Variants in CCDC81 observed in about 807,000 individuals in gnomAD.
CCDC81 encodes the protein coiled-coil domain-containing protein 81.
A neutral mutation model predicts 83.7 loss-of-function variants in CCDC81; 79 were observed. The observed-to-expected ratio is 0.94, with a 90% CI of 0.79 to 1.14. CCDC81 has a LOEUF of 1.14. Ranked by LOEUF, CCDC81 falls within the 50% of genes most tolerant of loss-of-function variation. The pLI is 0.00. For synonymous variants in CCDC81, 252 were observed against 278.1 expected (o/e 0.91, Z 0.93); for missense variants, 791 against 778.1 (o/e 1.02, Z -0.20).
At chr11:86,391,009 C>T (rs1233477747) in intron 3 of CCDC81, among the ~76,000 whole-genome samples, 2 of 152,000 alleles carry the variant, frequency 1.3e-5, no homozygotes, top group African/African-American at 4.8e-5. Flanking sequence ...ATAAACAAAC[C>T]TCAGTATCTT....
chr11:86,422,478 C>A, intron 14 of CCDC81, 96 bp from the exon 15 acceptor site: 1 of 1,160,008 alleles, frequency 8.6e-7, no homozygotes, highest in Non-Finnish European at 1.2e-6. Flanking sequence ...CAAGGTGTCA[C>A]TTTTCTTTTG....
chr11:86,386,145 A>T (rs897559858), intron 2 of CCDC81, 33 bp downstream of exon 2: 31 of 824,212 alleles, frequency 3.8e-5, no homozygotes, highest in Non-Finnish European at 5.0e-5. Flanking sequence ...TTTATTAATA[A>T]ATTAATTTAT....
At chr11:86,422,380 T>C (rs1277398317) in intron 14 of CCDC81, among the ~76,000 whole-genome samples, 194 bp from the exon 15 acceptor site, 1 of 152,150 alleles carries the variant, frequency 6.6e-6, no homozygotes, top group East Asian at 1.9e-4. Context: ...GTCGTGGCTT[T>C]TTATTTAGTA....
At chr11:86,409,158 T>C in intron 9 of CCDC81, 103 bp from the exon 10 acceptor site, 1 of 502,878 alleles carries the variant, frequency 2.0e-6, no homozygotes, top group East Asian at 3.5e-5. Context: ...GTTTCTACCA[T>C]GGCTGGATTA....
At chr11:86,417,610 T>A (rs1199897068) in intron 13 of CCDC81, among the ~76,000 whole-genome samples, 1 of 152,190 alleles carries the variant, frequency 6.6e-6, no homozygotes, top group African/African-American at 2.4e-5. Flanking sequence ...GCATTATTGA[T>A]GAACATTCAC....
At position 86,412,579 on chromosome 11, in the gene CCDC81, C is replaced by T. The variant is rs1179744134; in HGVS notation, c.1391+20C>T. The T allele has an allele frequency of 2.5e-6, 4 of 1,569,856 alleles. No homozygotes were observed. The highest frequency in any genetic ancestry group is 1.4e-5 in the African/African-American group (1 of 72,698). Reference sequence around the variant, plus strand: ...AGAGGAGTGAGTCCAGCTACACACGCTCTGACAAATGGATTTGGAATTTTC... The same window carrying T: ...AGAGGAGTGAGTCCAGCTACACACGTTCTGACAAATGGATTTGGAATTTTC... On this transcript the variant is annotated intron_variant, in intron 11 of 14. Coordinates refer to ENST00000445632, the MANE Select transcript of CCDC81 (RefSeq NM_001156474.2).
rs754216292 is a variant in CCDC81 at position 86,419,980 on chromosome 11, T to C, written c.1744T>C (p.Cys582Arg). 2 of 1,613,800 alleles carry C rather than the reference T, an allele frequency of 1.2e-6. No individual in the cohort carries two copies. The highest frequency in any genetic ancestry group is 1.7e-6 in the Non-Finnish European group (2 of 1,179,904). Residue 582 changes from cysteine to arginine, a missense_variant, in exon 14 of 15, where the codon TGC becomes CGC. By Grantham distance (180) the Cys-to-Arg change is radical (BLOSUM62 -3). Transcript: ENST00000445632. ...ELERVNRVNQCLQEDWERSAA... is the reference protein window; with the variant it reads ...ELERVNRVNQRLQEDWERSAA... The stretch of plus-strand genomic sequence containing the variant: ...GGAGCGAGTAAATAGAGTCAACCAA[T>C]GCTTACAGGAGGACTGGGAAAGGAG...
chr11:86,398,966 G>A (rs368971920), intron 6 of CCDC81, among the ~76,000 whole-genome samples: 7 of 152,114 alleles, frequency 4.6e-5, no homozygotes, highest in South Asian at 2.1e-4. Flanking sequence ...GTTGCTTTGC[G>A]GAAATGTGGC....
chr11:86,390,717 T>C (rs1310013403), intron 3 of CCDC81, among the ~76,000 whole-genome samples: 1 of 152,058 alleles, frequency 6.6e-6, no homozygotes, highest in Non-Finnish European at 1.5e-5. Context: ...AAGGAAGGCG[T>C]TTAGTATGAC....
At chr11:86,375,337 C>T (rs1297156319) in intron 1 of CCDC81, 95 bp downstream of exon 1, 2 of 1,094,594 alleles carry the variant, frequency 1.8e-6, no homozygotes, top group Non-Finnish European at 2.7e-6. Flanking sequence ...TTCCCTGGCT[C>T]AGGCCTGGCC....
chr11:86,418,201 A>G (rs1364827610), intron 13 of CCDC81, among the ~76,000 whole-genome samples: 2 of 152,224 alleles, frequency 1.3e-5, no homozygotes, highest in Non-Finnish European at 1.5e-5. Flanking sequence ...GATAGCTACT[A>G]TGAAAAAAAA....
At position 86,387,676 on chromosome 11, in the gene CCDC81, A is replaced by C; in HGVS notation, c.298+4A>C. 6.3e-7 allele frequency: 1 copy of C among 1,584,350 alleles called. No homozygotes were observed. The highest frequency in any genetic ancestry group is 8.6e-7 in the Non-Finnish European group (1 of 1,158,996). ...CAAAACAAAGTATATACTCCTGGTA[A>C]ATAATTCTGATATGTAGGATTTTCC... On this transcript the variant is annotated splice_donor_region_variant and intron_variant, in intron 3 of 14. Coordinates refer to ENST00000445632, the MANE Select transcript of CCDC81 (RefSeq NM_001156474.2).
At chr11:86,415,406 T>C (rs1948705340) in intron 13 of CCDC81, 93 bp downstream of exon 13, 1 of 934,834 alleles carries the variant, frequency 1.1e-6, no homozygotes, top group African/African-American at 1.6e-5. Flanking sequence ...GCCCCTCATC[T>C]TTCTCATACA....
intron 7 of CCDC81, among the ~76,000 whole-genome samples, chr11:86,405,632 C>A (rs895437577): frequency 6.6e-6 from 1 of 152,070 alleles, no homozygotes; most frequent in South Asian, 2.1e-4. Context: ...AAACTGTATC[C>A]CCTTCCAAAC....
In CCDC81 at chr11:86,407,303, G is replaced by A. The variant is rs74469876; in HGVS notation, c.882-311G>A. 6.4e-3 allele frequency among the ~76,000 whole-genome samples: 969 copies of A among 152,274 alleles called. 5 individuals are homozygous for A. Among genetic ancestry groups the A allele is most frequent in the African/African-American group, 0.022 (917 of 41,546 alleles). On this transcript the variant is annotated intron_variant, in intron 7 of 14. Coordinates refer to ENST00000445632, the MANE Select transcript of CCDC81 (RefSeq NM_001156474.2). ...GTGCTTAGAACAGTGTACATGGTAA[G>A]CACTCAATACATTTCTGTGGAATGA...
Position 86,386,088 on chromosome 11 carries a change from G to A in CCDC81, c.117G>A (p.Val39=). 2 of 1,506,776 alleles carry A rather than the reference G, an allele frequency of 1.3e-6. No individual in the cohort carries two copies. The highest frequency in any genetic ancestry group is 1.8e-6 in the Non-Finnish European group (2 of 1,110,732). The allele number at this position is 1,506,776 out of a possible 1,614,324, so 93.3% of individuals were successfully genotyped here. Residue 39 remains valine, a synonymous_variant, in exon 2 of 15, where the codon GTG becomes GTA. Transcript: ENST00000445632. ...TCTGGGGGAATGTATCAGAATTTGT[G>A]AGACGGCAGTTAACCCTGCACAAGG... is the stretch of plus-strand genomic sequence containing the variant. ...SIIWGNVSEF[V]RRQLTLHKGV...
At position 86,422,936 on chromosome 11, in the gene CCDC81, G is replaced by C. The variant is rs757365640; in HGVS notation, c.*221G>C. 1.1e-4 allele frequency: 59 copies of C among 534,590 alleles called. No homozygotes were observed. Among genetic ancestry groups the C allele is most frequent in the Non-Finnish European group, 1.8e-4 (54 of 301,148 alleles). 33.1% of individuals were successfully genotyped at this position (534,590 alleles called of 1,614,324 possible). ...GTTTCTGATGGCAGTGAAGGTGTCT[G>C]AATGGTCCTGAGGGCTAGAACCTGC... On this transcript the variant is annotated 3_prime_UTR_variant, in exon 15 of 15. Transcript: ENST00000445632.
chr11:86,422,522 C>CCTCCAGGAA (rs1948806851), intron 14 of CCDC81, 52 bp from the exon 15 acceptor site: 2 of 1,567,772 alleles, frequency 1.3e-6, no homozygotes, highest in East Asian at 2.3e-5. Flanking sequence ...CCAAGTTGGG[C>CCTCCAGGAA]CTCCAGGAAC....
chr11:86,406,761 C>T (rs11234638), intron 7 of CCDC81, among the ~76,000 whole-genome samples: 15,170 of 152,032 alleles, frequency 0.1, 955 homozygotes, highest in African/African-American at 0.17. Context: ...GCTGAGATTG[C>T]GCCATTGCAC....
Sources: gnomAD v4.1 joint callset for allele counts (sites outside exome capture counted in the v4.1 genomes callset) on GRCh38, gnomAD v4.1.1 for gene constraint, MANE v1.5 for transcripts, NCBI Gene and HGNC (gene_info 2026-07-23, HGNC 2026-07-21) for gene names.